The following KDM2B variants were observed in gnomAD, a reference collection of about 807,000 sequenced individuals.
KDM2B encodes the protein lysine demethylase 2B.
Under a neutral mutation model 150.0 loss-of-function variants are expected in KDM2B, and 26 were observed. The observed-to-expected ratio is 0.17, with a 90% CI of 0.13 to 0.24. The LOEUF (loss-of-function observed/expected upper bound fraction) is 0.24. KDM2B is among the 10% of genes least tolerant of loss of function. The probability of loss-of-function intolerance (pLI) is 1.00; values close to 1 mark genes in which losing one functional copy is unlikely to be tolerated. For synonymous variants in KDM2B, 734 were observed against 729.5 expected, an observed-to-expected ratio of 1.01 and a Z score of -0.10; for missense variants, 1,265 against 1,816.9, an observed-to-expected ratio of 0.70 and a Z score of 5.52.
chr12:121,484,167 C>T (rs1555298389), intron 12 of KDM2B, among the ~76,000 whole-genome samples: 1 of 152,146 alleles, frequency 6.6e-6, no homozygotes, highest in Non-Finnish European at 1.5e-5. Context: ...CTGAGCCCAA[C>T]CAGAGGCCAG....
At chr12:121,536,920 C>T (rs1555308838) in intron 6 of KDM2B, among the ~76,000 whole-genome samples, 1 of 152,194 alleles carries the variant, frequency 6.6e-6, no homozygotes, top group African/African-American at 2.4e-5. Flanking sequence ...TCCCCGCAAC[C>T]CCGACCTCCC....
chr12:121,496,652 G>A (rs1193268399), intron 11 of KDM2B, among the ~76,000 whole-genome samples: 1 of 152,056 alleles, frequency 6.6e-6, no homozygotes. Context: ...GTAACACCAA[G>A]CCCAGCTAAT....
intron 21 of KDM2B, 181 bp from the exon 22 acceptor site, chr12:121,440,256 TAGATTTTCAGATTCTCTTGAAAAACTAAA>T (rs1566258259): frequency 1.7e-6 from 1 of 602,384 alleles, no homozygotes; most frequent in Non-Finnish European, 2.9e-6. Context: ...CATCAAAACT[TAGATTTTCAGATTCTCTTGAAAAACTAAA>T]AGACCTAGAA....
intron 11 of KDM2B, among the ~76,000 whole-genome samples, chr12:121,508,447 T>A (rs1384747254): frequency 2.0e-5 from 3 of 152,040 alleles, no homozygotes; most frequent in African/African-American, 7.2e-5. Context: ...CCTAAGTAAA[T>A]ACAATGAACA....
At chr12:121,516,770 G>A (rs1352844325) in intron 9 of KDM2B, 8 of 657,634 alleles carry the variant, frequency 1.2e-5, no homozygotes, top group Non-Finnish European at 2.1e-5. Flanking sequence ...ACAACAAAAG[G>A]TTTCTCGAGT....
At chr12:121,450,723 G>T (rs1877108070) in intron 13 of KDM2B, among the ~76,000 whole-genome samples, 1 of 152,168 alleles carries the variant, frequency 6.6e-6, no homozygotes, top group African/African-American at 2.4e-5. Context: ...AGCCAGGCGT[G>T]GTGGCGGGCA....
chr12:121,571,703 T>C (rs1891101073), intron 4 of KDM2B, among the ~76,000 whole-genome samples: 2 of 149,210 alleles, frequency 1.3e-5, no homozygotes, highest in East Asian at 2.0e-4. Context: ...TGGGCTGGAG[T>C]GCAGTGGCGC....
chr12:121,502,334 G>A (rs1342975857), intron 11 of KDM2B, among the ~76,000 whole-genome samples: 3 of 152,104 alleles, frequency 2.0e-5, no homozygotes, highest in African/African-American at 7.2e-5. Flanking sequence ...GGTCTTCAAA[G>A]AACACCTGGC....
chr12:121,434,520 A>G (rs78052565), intron 22 of KDM2B, among the ~76,000 whole-genome samples: 2 of 151,234 alleles, frequency 1.3e-5, no homozygotes, highest in Non-Finnish European at 2.9e-5. Context: ...AAAAAAAAAA[A>G]AGAATCAGGA....
intron 8 of KDM2B, among the ~76,000 whole-genome samples, chr12:121,528,896 AAAAAC>A (rs1413409544): frequency 6.6e-6 from 1 of 152,240 alleles, no homozygotes; most frequent in African/African-American, 2.4e-5. Flanking sequence ...TCTGTCTCAA[AAAAAC>A]AAAACAAAAC....
intron 4 of KDM2B, among the ~76,000 whole-genome samples, chr12:121,555,029 T>C (rs896986686): frequency 6.6e-6 from 1 of 152,026 alleles, no homozygotes; most frequent in South Asian, 2.1e-4. Context: ...CTACAAAAAA[T>C]TTAAAAATTA....
intron 4 of KDM2B, among the ~76,000 whole-genome samples, chr12:121,565,282 G>A (rs1248169390): frequency 1.3e-5 from 2 of 151,232 alleles, no homozygotes; most frequent in African/African-American, 4.9e-5. Context: ...CCTCATTTAT[G>A]ACAAAACAAG....
chr12:121,580,334 TTTGGGGGGGCTCTCGGCCCGGGC>T, intron 1 of KDM2B: 2 of 992,708 alleles, frequency 2.0e-6, no homozygotes, highest in East Asian at 1.0e-4. Context: ...GGCCGGGCTA[TTTGGGGGGGCTCTCGGCCCGGGC>T]TTGGGGGGGT....
rs782482167 is a variant in KDM2B at position 121,578,809 on chromosome 12, C to T, written c.264G>A (p.Glu88=). Residue 88 remains glutamate, a synonymous_variant, in exon 2 of 23, where the codon GAG becomes GAA. Transcript: ENST00000377071. ...LYQGDFVHAM[E]GKDFNYEYVQ... ...GGGGTGGGGGCGCCTCACCTTTGCC[C>T]TCCATGGCGTGCACGAAGTCCCCCT... 1.9e-6 allele frequency: 3 copies of T among 1,580,336 alleles called. No homozygotes were observed. The highest frequency in any genetic ancestry group is 1.8e-4 in the Middle Eastern group (1 of 5,696).
chr12:121,581,014 A>G lies in KDM2B; in HGVS notation c.-103T>C. The G allele has an allele frequency of 1.4e-6, 2 of 1,466,610 alleles. No homozygotes were observed. The highest frequency in any genetic ancestry group is 1.8e-6 in the Non-Finnish European group (2 of 1,091,812). The allele number at this position is 1,466,610 out of a possible 1,614,324, so 90.8% of individuals were successfully genotyped here. ...TCCCGGCACTCAAAGATGTGGACACACACACGTACAGGAAATACAGCCAGA... is the reference window on the plus strand; with the variant it reads ...TCCCGGCACTCAAAGATGTGGACACGCACACGTACAGGAAATACAGCCAGA... On this transcript the variant is annotated 5_prime_UTR_variant, in exon 1 of 23. Transcript: ENST00000377071.
intron 16 of KDM2B, 60 bp downstream of exon 16, chr12:121,443,952 C>A: frequency 3.2e-6 from 5 of 1,548,080 alleles, no homozygotes; most frequent in Non-Finnish European, 4.4e-6. Flanking sequence ...ATCCCTCCAA[C>A]CCAGCACCCG....
At chr12:121,417,428 G>A in the KDM2B span, 1 of 1,307,688 alleles carries the variant, frequency 7.6e-7, no homozygotes, top group Non-Finnish European at 1.1e-6. This position sits in a 1 kb window ranked among gnomAD's most constrained non-coding sequence, Gnocchi z 5.0. Context: ...TTAAATTTTA[G>A]TAGAAGGCAG....
At position 121,430,134 on chromosome 12, in the gene KDM2B, G is replaced by A; in HGVS notation, c.*154C>T. ...TGTCGGCTCACTCATCCCCCAAACG[G>A]GTGGTTGAACAGCTTCTCCCTTGGA... On this transcript the variant is annotated 3_prime_UTR_variant, in exon 23 of 23. Transcript: ENST00000377071. This position sits in a 1 kb window ranked among gnomAD's most constrained non-coding sequence, Gnocchi z 4.4. 1 of 1,614,048 alleles carries A rather than the reference G, an allele frequency of 6.2e-7. No individual in the cohort carries two copies. Among genetic ancestry groups the A allele is most frequent in the Non-Finnish European group, 8.5e-7 (1 of 1,179,914 alleles).
chr12:121,566,746 A>G (rs112021864), intron 4 of KDM2B, among the ~76,000 whole-genome samples: 3,663 of 152,136 alleles, frequency 0.024, 123 homozygotes, highest in African/African-American at 0.07. Context: ...CAGTGAGCCA[A>G]GATCATGCCA....
Sources: allele counts gnomAD v4.1 joint callset (sites outside exome capture counted in the v4.1 genomes callset), GRCh38; gene constraint gnomAD v4.1.1; non-coding constraint Gnocchi (gnomAD v3.1); transcripts MANE v1.5; gene names NCBI Gene and HGNC (gene_info 2026-07-23, HGNC 2026-07-21).